COL6A6: variants seen among roughly 807,000 people sequenced by gnomAD.
COL6A6 encodes the protein collagen alpha-6(VI) chain.
In COL6A6, 183 loss-of-function variants were observed where a neutral mutation model predicts 208.6. The ratio of observed to expected loss-of-function variants is 0.88; its 90% CI spans 0.78 to 0.99. The LOEUF (loss-of-function observed/expected upper bound fraction) is 0.99, where lower values mean the gene tolerates loss of function less well. Ranked by LOEUF, COL6A6 falls within the 50% of genes least tolerant of loss-of-function variation. The pLI is 0.00. For synonymous variants in COL6A6, 973 were observed against 1,011.8 expected, an observed-to-expected ratio of 0.96 and a Z score of 0.73; for missense variants, 2,816 against 2,815.2, an observed-to-expected ratio of 1.00 and a Z score of -0.01.
intron 1 of COL6A6, among the ~76,000 whole-genome samples, chr3:130,547,923 G>A (rs1325367884): frequency 6.6e-6 from 1 of 152,024 alleles, no homozygotes. Flanking sequence ...TCAGCCTCCC[G>A]AGTAGCTGGC....
At chr3:130,562,863 G>A (rs538681255) in intron 2 of COL6A6, among the ~76,000 whole-genome samples, 11 of 152,290 alleles carry the variant, frequency 7.2e-5, no homozygotes, top group African/African-American at 2.4e-4. Context: ...AAGTTCAAAT[G>A]AGAAGTTGTT....
In COL6A6 at chr3:130,581,920, C is replaced by T; in HGVS notation, c.3891+16C>T. The T allele has an allele frequency of 6.3e-7, 1 of 1,597,514 alleles. No homozygotes were observed. Among genetic ancestry groups the T allele is most frequent in the Non-Finnish European group, 8.6e-7 (1 of 1,168,514 alleles). On this transcript the variant is annotated intron_variant, in intron 9 of 36. Coordinates refer to ENST00000358511, the MANE Select transcript of COL6A6 (RefSeq NM_001102608.3). The stretch of plus-strand genomic sequence containing the variant: ...TCGAGGAAAGGTAACATGGATTTAT[C>T]TTATTTGTTGGTCTATGATTGCAAT...
chr3:130,619,773 A>AGGG (rs1249141614), intron 23 of COL6A6, among the ~76,000 whole-genome samples: 3 of 152,118 alleles, frequency 2.0e-5, no homozygotes, highest in Non-Finnish European at 4.4e-5. Flanking sequence ...GAAGTGAGGT[A>AGGG]GTGGAAGGGT....
intron 19 of COL6A6, 143 bp downstream of exon 19, chr3:130,598,573 A>C: frequency 1.6e-6 from 1 of 632,332 alleles, no homozygotes; most frequent in Non-Finnish European, 2.8e-6. Flanking sequence ...GAGCAAAATG[A>C]TCTTTTCTCC....
At chr3:130,590,422 AT>A (rs1194099638) in intron 12 of COL6A6, among the ~76,000 whole-genome samples, 6 of 139,224 alleles carry the variant, frequency 4.3e-5, no homozygotes, top group African/African-American at 1.6e-4. Context: ...TTAACTCGTC[AT>A]TTACATTAGG....
Position 130,568,572 on chromosome 3 carries a change from A to G in COL6A6, c.2369A>G (p.Asp790Gly). The G allele has an allele frequency of 6.2e-7, 1 of 1,604,532 alleles. No homozygotes were observed. The highest frequency in any genetic ancestry group is 1.3e-5 in the African/African-American group (1 of 75,006). Reference sequence around the variant, plus strand: ...GACATTCTGCAGCGCATTGAAGATGATCTTGTTTTTGGAATATGCAGCCCC... The same window carrying G: ...GACATTCTGCAGCGCATTGAAGATGGTCTTGTTTTTGGAATATGCAGCCCC... ...NFDILQRIED[D>G]LVFGICSPRE... Residue 790 changes from aspartate (D) to glycine (G), a missense_variant, in exon 6 of 37, where the codon GAT becomes GGT. Coordinates refer to ENST00000358511, the MANE Select transcript of COL6A6 (RefSeq NM_001102608.3).
chr3:130,625,786 A>G (rs2064867594), intron 24 of COL6A6, among the ~76,000 whole-genome samples: 1 of 152,174 alleles, frequency 6.6e-6, no homozygotes, highest in Non-Finnish European at 1.5e-5. Context: ...ATAATAAATC[A>G]GTATTGATTC....
chr3:130,599,764 G>T lies in COL6A6; in HGVS notation c.4607G>T (p.Arg1536Ile), dbSNP rs778751890. ...TGTCTGTTCCTTTGACAGGGCAGAA[G>T]AGGCTGGCCAGGCCCCCCCGGGACA... ...LKGERGRQGR[R>I]GWPGPPGTPG... The change falls in exon 20 of 37, where the codon AGA (arginine) becomes ATA (isoleucine). Residue 1536 changes from arginine to isoleucine, a missense_variant. Transcript: ENST00000358511. 4 of 1,613,758 alleles carry T rather than the reference G, an allele frequency of 2.5e-6. No homozygotes were observed. The highest frequency in any genetic ancestry group is 3.4e-6 in the Non-Finnish European group (4 of 1,179,760).
chr3:130,648,965 C>T (rs2065539553), intron 32 of COL6A6, 104 bp from the exon 33 acceptor site: 1 of 893,226 alleles, frequency 1.1e-6, no homozygotes, highest in Non-Finnish European at 1.6e-6. Flanking sequence ...AAATTATTCT[C>T]TTTAAGTATT....
At position 130,582,094 on chromosome 3, in the gene COL6A6, G is replaced by A. The variant is rs375795502; in HGVS notation, c.3970+26G>A. On this transcript the variant is annotated intron_variant, in intron 10 of 36. Coordinates refer to ENST00000358511, the MANE Select transcript of COL6A6 (RefSeq NM_001102608.3). ...GTACTGAGTATGGAGAAGTGGGAAG[G>A]GAGTGCTTATTAACTTTATAATCTC... The A allele has an allele frequency of 1.1e-5, 15 of 1,393,734 alleles. No homozygotes were observed. The African/African-American group carries it at 2.2e-4, about 20-fold the overall frequency. The allele number at this position is 1,393,734 out of a possible 1,614,324, so 86.3% of individuals were successfully genotyped here. A position where few individuals can be genotyped will look rare whatever the true frequency, so the allele number is the denominator to read the frequency against.
intron 33 of COL6A6, among the ~76,000 whole-genome samples, chr3:130,658,200 A>C (rs1426352852): frequency 1.3e-5 from 2 of 152,170 alleles, no homozygotes; most frequent in African/African-American, 4.8e-5. Context: ...AGGGGAGAGG[A>C]GGTCTCTGAT....
At chr3:130,523,004 A>G (rs967534872) in intron 1 of COL6A6, among the ~76,000 whole-genome samples, 3 of 151,682 alleles carry the variant, frequency 2.0e-5, no homozygotes, top group Non-Finnish European at 2.9e-5. Flanking sequence ...AAATGCTCCA[A>G]TGGCTTTAGG....
In COL6A6 at chr3:130,662,053, A is replaced by AT. The variant is rs1491521619; in HGVS notation, c.6247_6248insT (p.Lys2083IlefsTer44). 1 of 1,614,030 alleles carries AT rather than the reference A, an allele frequency of 6.2e-7. No homozygotes were observed. Among genetic ancestry groups the AT allele is most frequent in the East Asian group, 2.2e-5 (1 of 44,892 alleles). On this transcript the variant is annotated frameshift_variant, in exon 35 of 37. Coordinates refer to ENST00000358511, the MANE Select transcript of COL6A6 (RefSeq NM_001102608.3). LOFTEE classifies it high-confidence loss of function. Reference sequence around the variant, plus strand: ...AAGTACACCCAATCTGAGAAGAAACAAAGTCATATTTGTGATATCTGCTGG... The same window carrying AT: ...AAGTACACCCAATCTGAGAAGAAACATAAGTCATATTTGTGATATCTGCTGG...
At chr3:130,664,251 A>G (rs562882788) in intron 35 of COL6A6, among the ~76,000 whole-genome samples, 27 of 152,346 alleles carry the variant, frequency 1.8e-4, no homozygotes, top group Middle Eastern at 3.4e-3. Context: ...CAGGTGCACA[A>G]TAACAGAAGC....
chr3:130,602,668 ATTC>A (rs2108154001), intron 20 of COL6A6, among the ~76,000 whole-genome samples: 1 of 152,328 alleles, frequency 6.6e-6, no homozygotes, highest in East Asian at 1.9e-4. Flanking sequence ...TGACATTTCT[ATTC>A]TTTGTTTTTT....
intron 8 of COL6A6, among the ~76,000 whole-genome samples, chr3:130,577,584 A>T (rs1179864825): frequency 6.6e-6 from 1 of 152,212 alleles, no homozygotes; most frequent in Non-Finnish European, 1.5e-5. Context: ...ATGACTTGTC[A>T]TCACTGGCTA....
At chr3:130,650,251 A>G (rs1038132928) in intron 33 of COL6A6, among the ~76,000 whole-genome samples, 2 of 152,168 alleles carry the variant, frequency 1.3e-5, no homozygotes, top group Non-Finnish European at 2.9e-5. Flanking sequence ...TCTTGGCACC[A>G]CATGGTGTTC....
chr3:130,576,570 ATCTGAGTG>A (rs2063303001), intron 8 of COL6A6, among the ~76,000 whole-genome samples: 1 of 152,212 alleles, frequency 6.6e-6, no homozygotes, highest in Non-Finnish European at 1.5e-5. Flanking sequence ...TCCAGTTTCT[ATCTGAGTG>A]TGATGAAAGA....
chr3:130,521,082 T>C (rs1711043455), intron 1 of COL6A6, among the ~76,000 whole-genome samples: 1 of 152,198 alleles, frequency 6.6e-6, no homozygotes, highest in African/African-American at 2.4e-5. Context: ...GTAACCATTT[T>C]AAAACCATTT....
Sources: gnomAD v4.1 joint callset for allele counts (sites outside exome capture counted in the v4.1 genomes callset) on GRCh38, gnomAD v4.1.1 for gene constraint, MANE v1.5 for transcripts, NCBI Gene and HGNC (gene_info 2026-07-23, HGNC 2026-07-21) for gene names.